AIFM2: variants seen among roughly 807,000 people sequenced by gnomAD.
AIFM2 encodes the protein ferroptosis suppressor protein 1.
In AIFM2, 38 loss-of-function variants were observed where a neutral mutation model predicts 35.7. That is an observed-to-expected ratio of 1.06 (90% CI 0.82 to 1.39). The LOEUF is 1.39. Among genes scored for constraint, AIFM2 ranks in the 40% most tolerant of loss-of-function variants. AIFM2 has a pLI of 0.00. For missense variants in AIFM2, 476 were observed against 491.2 expected, an observed-to-expected ratio of 0.97 and a Z score of 0.29; for synonymous variants, 185 against 203.5, an observed-to-expected ratio of 0.91 and a Z score of 0.77.
chr10:70,117,878 G>C lies in AIFM2; in HGVS notation c.550C>G (p.Leu184Val). 1 of 1,607,250 alleles carries C rather than the reference G, an allele frequency of 6.2e-7. No homozygotes were observed. The change falls in exon 6 of 9, where the codon CTC (leucine) becomes GTC (valine). Residue 184 changes from leucine to valine, a missense_variant. Coordinates refer to ENST00000307864, the MANE Select transcript of AIFM2 (RefSeq NM_032797.6). This position sits in a 1 kb window ranked among gnomAD's most constrained non-coding sequence, Gnocchi z 4.7. ...ACTTCCTGCCGGACGGAGGGCAGGAGCTCCTTGTCAGCCAGGGCCACTTGG... is the reference window on the plus strand; with the variant it reads ...ACTTCCTGCCGGACGGAGGGCAGGACCTCCTTGTCAGCCAGGGCCACTTGG... ...HSQVALADKE[L>V]LPSVRQEVKE...
chr10:70,125,471 A>AAAAG (rs2072556067), intron 1 of AIFM2, among the ~76,000 whole-genome samples: 1 of 128,656 alleles, frequency 7.8e-6, no homozygotes, highest in Admixed American at 8.0e-5. Context: ...AAAAAAAAAA[A>AAAAG]GCCAGGCGTG....
intron 7 of AIFM2, among the ~76,000 whole-genome samples, chr10:70,116,197 AC>A (rs1384119658): frequency 7.9e-5 from 12 of 152,226 alleles, no homozygotes; most frequent in Admixed American, 7.8e-4. Flanking sequence ...AGGCCATGTT[AC>A]CAACCCCACT....
Position 70,131,998 on chromosome 10 carries a change from C to T in AIFM2, c.-14+736G>A, listed in dbSNP as rs369384599. Among the ~76,000 whole-genome samples, 3 of 152,216 alleles carry T rather than the reference C, an allele frequency of 2.0e-5. No individual in the cohort carries two copies. The highest frequency in any genetic ancestry group is 4.1e-4 in the South Asian group (2 of 4,832). ...GTCCTCCTACAGGATCATCAGCCCC[C>T]AAGAGACCTCACCACTCCCCATCCT... On this transcript the variant is annotated intron_variant, in intron 1 of 8. Coordinates refer to ENST00000307864, the MANE Select transcript of AIFM2 (RefSeq NM_032797.6). The surrounding 1 kb of genome is among the most constrained non-coding windows in gnomAD (Gnocchi z 4.1).
intron 1 of AIFM2, among the ~76,000 whole-genome samples, chr10:70,129,579 A>G (rs1273458455): frequency 6.6e-6 from 1 of 152,084 alleles, no homozygotes; most frequent in African/African-American, 2.4e-5. Context: ...CTTATTTTGG[A>G]AAAAAGTTCA....
Position 70,131,921 on chromosome 10 carries a change from A to G in AIFM2, c.-14+813T>C, listed in dbSNP as rs2136671755. 6.6e-6 allele frequency among the ~76,000 whole-genome samples: 1 copy of G among 152,318 alleles called. No individual in the cohort carries two copies. The highest frequency in any genetic ancestry group is 1.9e-4 in the East Asian group (1 of 5,182). ...GCTTTTGAACACAGGTGCACAGTCC[A>G]GAAACCTGCAAGTCCCATCCCAAAC... On this transcript the variant is annotated intron_variant, in intron 1 of 8. Transcript: ENST00000307864. This position sits in a 1 kb window ranked among gnomAD's most constrained non-coding sequence, Gnocchi z 4.1.
chr10:70,123,630 C>A, intron 2 of AIFM2, 110 bp from the exon 3 acceptor site: 1 of 1,022,678 alleles, frequency 9.8e-7, no homozygotes, highest in Non-Finnish European at 1.5e-6. Context: ...TGCCCTTGAC[C>A]AAAGCGTCGG....
intron 5 of AIFM2, 73 bp downstream of exon 5, chr10:70,120,434 T>C (rs2280201): frequency 0.13 from 195,016 of 1,481,768 alleles, 14,624 homozygotes; most frequent in East Asian, 0.32. Flanking sequence ...CCTGAGCAAA[T>C]TCCTGATGTT....
At chr10:70,125,648 T>G (rs2072557882) in intron 1 of AIFM2, among the ~76,000 whole-genome samples, 1 of 151,538 alleles carries the variant, frequency 6.6e-6, no homozygotes, top group African/African-American at 2.4e-5. Flanking sequence ...ATAATAAATA[T>G]TGGTAGAGAT....
At chr10:70,122,614 C>T (rs1030475244) in intron 3 of AIFM2, among the ~76,000 whole-genome samples, 21 of 152,188 alleles carry the variant, frequency 1.4e-4, no homozygotes, top group African/African-American at 4.8e-4. Flanking sequence ...AGTGACGTCC[C>T]GATCCGGGGG....
At position 70,131,850 on chromosome 10, in the gene AIFM2, G is replaced by C. The variant is rs1325024451; in HGVS notation, c.-14+884C>G. ...GAGGGCAGGTGTGATCTGAGATCCC[G>C]GGGCTCTCTGGCAGGTGCATGCACG... On this transcript the variant is annotated intron_variant, in intron 1 of 8. Transcript: ENST00000307864. The surrounding 1 kb of genome is among the most constrained non-coding windows in gnomAD (Gnocchi z 4.1). Among the ~76,000 whole-genome samples the C allele has an allele frequency of 6.6e-6, 1 of 152,136 alleles. No individual in the cohort carries two copies. Among genetic ancestry groups the C allele is most frequent in the South Asian group, 2.1e-4 (1 of 4,824 alleles).
intron 3 of AIFM2, among the ~76,000 whole-genome samples, chr10:70,122,942 C>G (rs907439380): frequency 6.6e-6 from 1 of 152,204 alleles, no homozygotes; most frequent in Non-Finnish European, 1.5e-5. Flanking sequence ...CTTGTGGTTG[C>G]TGTGGTCAAG....
At chr10:70,115,272 T>C (rs1429147839) in intron 7 of AIFM2, 152 bp from the exon 8 acceptor site, 1 of 731,384 alleles carries the variant, frequency 1.4e-6, no homozygotes, top group South Asian at 1.7e-5. Context: ...GTGCCTGCTC[T>C]AGAGGCCACC....
chr10:70,123,265 C>T (rs537498941), intron 3 of AIFM2, 140 bp downstream of exon 3: 13 of 641,240 alleles, frequency 2.0e-5, no homozygotes, highest in East Asian at 3.0e-5. Context: ...GTGATCCGCC[C>T]GCCTTGGCCT....
intron 1 of AIFM2, 62 bp downstream of exon 1, chr10:70,132,672 G>GGGTCCC (rs1318906764): frequency 6.6e-6 from 1 of 152,190 alleles, no homozygotes; most frequent in Non-Finnish European, 1.5e-5. Context: ...CCCCTCTTCC[G>GGGTCCC]GGTCCCGGTC....
chr10:70,114,341 G>A lies in AIFM2; in HGVS notation c.971-12C>T. ...GAACGTCAGTGCACCTGCAAGCAGAGACACAGAAACAACCAGAACCTCACT... is the reference window on the plus strand; with the variant it reads ...GAACGTCAGTGCACCTGCAAGCAGAAACACAGAAACAACCAGAACCTCACT... On this transcript the variant is annotated splice_polypyrimidine_tract_variant and intron_variant, in intron 8 of 8. Transcript: ENST00000307864. 1.9e-6 allele frequency: 3 copies of A among 1,613,828 alleles called. No individual in the cohort carries two copies. The highest frequency in any genetic ancestry group is 2.2e-5 in the South Asian group (2 of 91,044).
chr10:70,125,775 T>C (rs1407953149), intron 1 of AIFM2, among the ~76,000 whole-genome samples: 3 of 152,188 alleles, frequency 2.0e-5, no homozygotes, highest in Non-Finnish European at 2.9e-5. Flanking sequence ...CCAGTCCCCA[T>C]TTCTTTGTAT....
rs2072629260 is a variant in AIFM2 at position 70,131,753 on chromosome 10, G to A, written c.-14+981C>T. Among the ~76,000 whole-genome samples, 1 of 152,152 alleles carries A rather than the reference G, an allele frequency of 6.6e-6. No homozygotes were observed. Among genetic ancestry groups the A allele is most frequent in the Admixed American group, 6.5e-5 (1 of 15,280 alleles). ...GTGCTAAGCCTGCCCAGCCCACCCTGGCTGGGGCTCAGTGCCCTCTTCTTG... is the reference window on the plus strand; with the variant it reads ...GTGCTAAGCCTGCCCAGCCCACCCTAGCTGGGGCTCAGTGCCCTCTTCTTG... On this transcript the variant is annotated intron_variant, in intron 1 of 8. Coordinates refer to ENST00000307864, the MANE Select transcript of AIFM2 (RefSeq NM_032797.6). The surrounding 1 kb of genome is among the most constrained non-coding windows in gnomAD (Gnocchi z 4.1).
In AIFM2 at chr10:70,114,239, GTCA is replaced by G; in HGVS notation, c.1058_1060del (p.Leu353_Thr354delinsPro). 1 of 1,613,918 alleles carries G rather than the reference GTCA, an allele frequency of 6.2e-7. No homozygotes were observed. The highest frequency in any genetic ancestry group is 8.5e-7 in the Non-Finnish European group (1 of 1,180,022). ...AGAGACGAACAGGTCCCGGCTCTTG[GTCA>G]GCCGAACCATGAGCCGGCCCACATA... On this transcript the variant is annotated inframe_deletion, in exon 9 of 9. Transcript: ENST00000307864.
Position 70,114,227 on chromosome 10 carries a change from T to C in AIFM2, c.1073A>G (p.Asp358Gly). The change falls in exon 9 of 9, where the codon GAC becomes GGC. Residue 358 changes from aspartate (D) to glycine (G), a missense_variant. Coordinates refer to ENST00000307864, the MANE Select transcript of AIFM2 (RefSeq NM_032797.6). ...RLMVRLTKSR[D>G]LFVSTSWKTM... ...TTTCCAGCTCGTAGAGACGAACAGG[T>C]CCCGGCTCTTGGTCAGCCGAACCAT... The C allele has an allele frequency of 3.1e-6, 5 of 1,613,850 alleles. No homozygotes were observed. The highest frequency in any genetic ancestry group is 4.2e-6 in the Non-Finnish European group (5 of 1,179,992).
Sources: allele counts gnomAD v4.1 joint callset (sites outside exome capture counted in the v4.1 genomes callset), GRCh38; gene constraint gnomAD v4.1.1; non-coding constraint Gnocchi (gnomAD v3.1); transcripts MANE v1.5; gene names NCBI Gene and HGNC (gene_info 2026-07-23, HGNC 2026-07-21).